LYN: variants seen among roughly 807,000 people sequenced by gnomAD.
The protein encoded by LYN is LYN proto-oncogene, Src family tyrosine kinase.
LYN carries 12 observed loss-of-function variants against 65.0 expected under a neutral mutation model. The ratio of observed to expected loss-of-function variants is 0.18; its 90% confidence interval spans 0.12 to 0.30. LYN has a LOEUF of 0.30. LYN is among the 10% of genes least tolerant of loss of function. The pLI, the probability that LYN is intolerant of heterozygous loss-of-function variation, is 1.00. For synonymous variants in LYN, 222 were observed against 221.2 expected, an observed-to-expected ratio of 1.00 and a Z score of -0.03; for missense variants, 380 against 623.2, an observed-to-expected ratio of 0.61 and a Z score of 4.16.
At chr8:55,966,092 T>C (rs1379194360) in intron 8 of LYN, among the ~76,000 whole-genome samples, 1 of 151,980 alleles carries the variant, frequency 6.6e-6, no homozygotes, top group Non-Finnish European at 1.5e-5. Flanking sequence ...GCCACTACAC[T>C]CCAGCCTGGG....
At chr8:55,911,921 G>A (rs1157823093) in intron 1 of LYN, among the ~76,000 whole-genome samples, 1 of 152,120 alleles carries the variant, frequency 6.6e-6, no homozygotes, top group Non-Finnish European at 1.5e-5. Context: ...TTATTGATGG[G>A]GTGTGGTGGG....
chr8:56,010,197 A>C lies in LYN; in HGVS notation c.*87A>C. On this transcript the variant is annotated 3_prime_UTR_variant, in exon 13 of 13. Coordinates refer to ENST00000519728, the MANE Select transcript of LYN (RefSeq NM_002350.4). ...CATCACTGGTTGCACTTATGATTTC[A>C]TGTGCGGGGATCATCTGCCGTGCCT... The C allele has an allele frequency of 1.1e-5, 15 of 1,329,086 alleles. No individual in the cohort carries two copies. Among genetic ancestry groups the C allele is most frequent in the Non-Finnish European group, 1.3e-5 (12 of 936,698 alleles). The allele number at this position is 1,329,086 out of a possible 1,614,324, so 82.3% of individuals were successfully genotyped here. A position where few individuals can be genotyped will look rare whatever the true frequency, so the allele number is the denominator to read the frequency against.
intron 10 of LYN, among the ~76,000 whole-genome samples, chr8:55,991,362 A>G (rs139383168): frequency 6.6e-6 from 1 of 152,204 alleles, no homozygotes; most frequent in Non-Finnish European, 1.5e-5. Flanking sequence ...CAAAGCCCTG[A>G]CTTATGGAAG....
intron 8 of LYN, among the ~76,000 whole-genome samples, chr8:55,966,226 A>AT (rs1191864545): frequency 6.6e-6 from 1 of 152,108 alleles, no homozygotes; most frequent in Non-Finnish European, 1.5e-5. Context: ...TAATTTAAAC[A>AT]TTTTTTGGTA....
Position 56,009,933 on chromosome 8 carries a change from C to T in LYN, c.1362C>T (p.Thr454=), listed in dbSNP as rs756737758. Residue 454 remains threonine (T), a synonymous_variant, in exon 13 of 13, where the codon ACC becomes ACT. Coordinates refer to ENST00000519728, the MANE Select transcript of LYN (RefSeq NM_002350.4). The part of the protein sequence containing the change: ...YPGRTNADVM[T]ALSQGYRMPR... Reference sequence around the variant, plus strand: ...GGAGAACTAATGCCGACGTGATGACCGCCCTGTCCCAGGGCTACAGGATGC... The same window carrying T: ...GGAGAACTAATGCCGACGTGATGACTGCCCTGTCCCAGGGCTACAGGATGC... 22 of 1,613,912 alleles carry T rather than the reference C, an allele frequency of 1.4e-5. No individual in the cohort carries two copies. The highest frequency in any genetic ancestry group is 1.1e-4 in the East Asian group (5 of 44,884).
chr8:55,984,610 A>T (rs917332412), intron 10 of LYN, among the ~76,000 whole-genome samples: 3 of 152,224 alleles, frequency 2.0e-5, no homozygotes, highest in Non-Finnish European at 2.9e-5. Context: ...ACTCTGACCC[A>T]ACTTGAATAC....
At chr8:55,947,591 C>A in intron 3 of LYN, 27 bp from the exon 4 acceptor site, 1 of 1,507,766 alleles carries the variant, frequency 6.6e-7, no homozygotes, top group Non-Finnish European at 9.2e-7. Flanking sequence ...TGGATTCTTA[C>A]AGGTGTTCTC....
At chr8:55,891,205 A>C (rs961350965) in intron 1 of LYN, among the ~76,000 whole-genome samples, 1 of 152,110 alleles carries the variant, frequency 6.6e-6, no homozygotes, top group African/African-American at 2.4e-5. Flanking sequence ...ATACAAAATT[A>C]GTCGAACATG....
intron 8 of LYN, among the ~76,000 whole-genome samples, chr8:55,964,888 C>T (rs1807402826): frequency 2.0e-5 from 3 of 152,228 alleles, no homozygotes; most frequent in South Asian, 2.1e-4. Context: ...TACAGATACT[C>T]TTGCACCCTA....
intron 8 of LYN, among the ~76,000 whole-genome samples, chr8:55,957,037 A>G (rs186395338): frequency 2.2e-4 from 33 of 152,334 alleles, no homozygotes; most frequent in Non-Finnish European, 5.9e-5. Context: ...GAATCAGATA[A>G]GCAACTTACT....
intron 1 of LYN, among the ~76,000 whole-genome samples, chr8:55,930,480 G>A (rs1455952593): frequency 6.6e-6 from 1 of 152,092 alleles, no homozygotes; most frequent in Non-Finnish European, 1.5e-5. Flanking sequence ...TGGTTGGCTG[G>A]ATATACATAA....
chr8:55,988,349 T>A (rs916985544), intron 10 of LYN, among the ~76,000 whole-genome samples: 1 of 150,766 alleles, frequency 6.6e-6, no homozygotes, highest in African/African-American at 2.5e-5. Flanking sequence ...ATTTTTTTGT[T>A]GTTATCATTA....
rs1024882835 is a variant in LYN, at chr8:56,010,865, T to C, written c.*755T>C. The C allele has an allele frequency of 1.9e-4, 44 of 229,746 alleles. No individual in the cohort carries two copies. Among genetic ancestry groups the C allele is most frequent in the African/African-American group, 8.6e-4 (39 of 45,142 alleles). 14.2% of individuals were successfully genotyped at this position (229,746 alleles called of 1,614,324 possible). ...ACCTCCCAGGAAAGGGAGAAGAGCCTCAGAAACTGCTCTGTGTTTAGAAGG... is the reference window on the plus strand; with the variant it reads ...ACCTCCCAGGAAAGGGAGAAGAGCCCCAGAAACTGCTCTGTGTTTAGAAGG... On this transcript the variant is annotated 3_prime_UTR_variant, in exon 13 of 13. Transcript: ENST00000519728.
At chr8:55,966,559 G>T (rs980599632) in intron 8 of LYN, among the ~76,000 whole-genome samples, 156 bp from the exon 9 acceptor site, 1 of 151,916 alleles carries the variant, frequency 6.6e-6, no homozygotes, top group South Asian at 2.1e-4. Context: ...GTAGACATGG[G>T]GTTTCACTGT....
At chr8:55,959,448 T>C (rs557254381) in intron 8 of LYN, among the ~76,000 whole-genome samples, 2 of 152,322 alleles carry the variant, frequency 1.3e-5, no homozygotes, top group Non-Finnish European at 2.9e-5. Context: ...TGAAAGAAAT[T>C]GTGCAGGTAA....
chr8:55,976,828 C>T lies in LYN; in HGVS notation c.1050+7035C>T, dbSNP rs144216436. Reference sequence around the variant, plus strand: ...CATAAAGGCACAGAAAAGGAGTACACGGGGATGCAAGTGGGGGTATATGGA... The same window carrying T: ...CATAAAGGCACAGAAAAGGAGTACATGGGGATGCAAGTGGGGGTATATGGA... On this transcript the variant is annotated intron_variant, in intron 10 of 12. Transcript: ENST00000519728. 4.9e-3 allele frequency among the ~76,000 whole-genome samples: 749 copies of T among 152,032 alleles called. 3 individuals carry two copies. The highest frequency in any genetic ancestry group is 0.017 in the Middle Eastern group (5 of 294).
intron 8 of LYN, 28 bp downstream of exon 8, chr8:55,954,012 C>T (rs771218096): frequency 1.9e-6 from 3 of 1,610,108 alleles, no homozygotes; most frequent in African/African-American, 2.7e-5. Flanking sequence ...GGATCTATGT[C>T]CTTCTAGAGA....
intron 10 of LYN, among the ~76,000 whole-genome samples, chr8:55,986,468 T>C (rs909482368): frequency 6.6e-6 from 1 of 152,234 alleles, no homozygotes; most frequent in Non-Finnish European, 1.5e-5. Context: ...GACAAACTTT[T>C]CTTCCTGTTT....
intron 12 of LYN, among the ~76,000 whole-genome samples, chr8:56,002,952 C>T (rs995271498): frequency 6.6e-6 from 1 of 152,124 alleles, no homozygotes; most frequent in Non-Finnish European, 1.5e-5. Flanking sequence ...CAAAATATGC[C>T]ATTTTCCACA....
Sources: allele counts gnomAD v4.1 joint callset (sites outside exome capture counted in the v4.1 genomes callset), GRCh38; gene constraint gnomAD v4.1.1; transcripts MANE v1.5; gene names NCBI Gene and HGNC (gene_info 2026-07-23, HGNC 2026-07-21).